Variants in EIF2AK2 observed in about 807,000 individuals in gnomAD.
The protein encoded by EIF2AK2 is eukaryotic translation initiation factor 2 alpha kinase 2, also known as interferon-induced, double-stranded RNA-activated protein kinase.
A neutral mutation model predicts 70.5 loss-of-function variants in EIF2AK2; 40 were observed. The observed-to-expected ratio is 0.57, with a 90% CI of 0.44 to 0.74. The LOEUF is 0.74. Ranked by LOEUF, EIF2AK2 falls within the 30% of genes least tolerant of loss-of-function variation. The probability of loss-of-function intolerance (pLI) is 0.00; values close to 1 mark genes in which losing one functional copy is unlikely to be tolerated. For missense variants in EIF2AK2, 555 were observed against 644.3 expected (o/e 0.86, Z 1.50); for synonymous variants, 198 against 220.9 (o/e 0.90, Z 0.92).
At chr2:37,150,683 A>G (rs1388788973) in intron 1 of EIF2AK2, among the ~76,000 whole-genome samples, 1 of 152,226 alleles carries the variant, frequency 6.6e-6, no homozygotes, top group East Asian at 1.9e-4. Context: ...GAAATAATCT[A>G]CATATCTAAG....
chr2:37,114,754 A>G lies in EIF2AK2; in HGVS notation c.1354T>C (p.Leu452=). The change falls in exon 14 of 17, where the codon TTG becomes CTG. Residue 452 remains leucine, a synonymous_variant. Coordinates refer to ENST00000233057, the MANE Select transcript of EIF2AK2 (RefSeq NM_001135651.3). ...DGKRTRSKGT[L]RYMSPEQISS... ...ACCTGTTCTGGGCTCATGTATCGCA[A>G]AGTTCCCTTACTCCTTGTTCGCTTT... is the stretch of plus-strand genomic sequence containing the variant. 6.3e-7 allele frequency: 1 copy of G among 1,596,336 alleles called. No individual in the cohort carries two copies. Among genetic ancestry groups the G allele is most frequent in the South Asian group, 1.1e-5 (1 of 87,340 alleles).
In EIF2AK2 at chr2:37,102,022, T is replaced by A. The variant is rs367721038; in HGVS notation, c.*5251A>T. 3 of 152,344 alleles carry A rather than the reference T, an allele frequency of 2.0e-5. No individual in the cohort carries two copies. The highest frequency in any genetic ancestry group is 1.9e-4 in the East Asian group (1 of 5,190). The allele number at this position is 152,344 out of a possible 1,614,324, so 9.4% of individuals were successfully genotyped here. On this transcript the variant is annotated 3_prime_UTR_variant, in exon 17 of 17. Coordinates refer to ENST00000233057, the MANE Select transcript of EIF2AK2 (RefSeq NM_001135651.3). ...TGGAAGACCAAGGCAGGAGAATCTC[T>A]CAAGGCCAGGAGTTTGAGACCAGCC...
At chr2:37,135,058 A>G (rs910912285) in intron 10 of EIF2AK2, among the ~76,000 whole-genome samples, 61 of 152,368 alleles carry the variant, frequency 4.0e-4, no homozygotes, top group African/African-American at 1.3e-3. Flanking sequence ...CTGAAGCATT[A>G]TAAGAGTCCA....
chr2:37,124,322 C>T (rs192011365), intron 11 of EIF2AK2, among the ~76,000 whole-genome samples: 10 of 151,144 alleles, frequency 6.6e-5, no homozygotes, highest in East Asian at 3.9e-4. Flanking sequence ...AGTGCAATGG[C>T]GCGATCTTGG....
chr2:37,129,066 G>A (rs1373430714), intron 10 of EIF2AK2, among the ~76,000 whole-genome samples: 4 of 151,364 alleles, frequency 2.6e-5, no homozygotes, highest in Non-Finnish European at 5.9e-5. Context: ...CCAGATATTC[G>A]GAAAAAATTA....
chr2:37,135,072 C>G (rs1675080179), intron 10 of EIF2AK2, among the ~76,000 whole-genome samples: 1 of 152,166 alleles, frequency 6.6e-6, no homozygotes, highest in African/African-American at 2.4e-5. Context: ...GAGTCCAAGA[C>G]AAACTAGACT....
chr2:37,122,909 T>C (rs1312234463), intron 11 of EIF2AK2, among the ~76,000 whole-genome samples: 1 of 152,200 alleles, frequency 6.6e-6, no homozygotes, highest in South Asian at 2.1e-4. Context: ...GGCTCAGGCC[T>C]GTAATCCCAG....
chr2:37,131,059 C>CA (rs1448422843), intron 10 of EIF2AK2, among the ~76,000 whole-genome samples: 1 of 152,194 alleles, frequency 6.6e-6, no homozygotes, highest in Non-Finnish European at 1.5e-5. Flanking sequence ...TTTCTTTCCT[C>CA]AAATTAGTGG....
In EIF2AK2 at chr2:37,147,705, TC is replaced by T; in HGVS notation, c.101del (p.Gly34AspfsTer13). The T allele has an allele frequency of 2.5e-6, 4 of 1,612,066 alleles. No homozygotes were observed. Among genetic ancestry groups the T allele is most frequent in the Non-Finnish European group, 3.4e-6 (4 of 1,178,604 alleles). ...VLKYQELPNSGPPHDRRFTFQ... is the reference protein window; with the variant it reads ...VLKYQELPNSXPPHDRRFTFQ... ...CAACCTACCTCCTATCATGTGGAGG[TC>T]CTGAATTAGGCAGTTCTTGATATTT... On this transcript the variant is annotated frameshift_variant, in exon 3 of 17. Coordinates refer to ENST00000233057, the MANE Select transcript of EIF2AK2 (RefSeq NM_001135651.3). LOFTEE classifies it high-confidence loss of function.
chr2:37,122,481 G>C (rs779718482), intron 12 of EIF2AK2, 25 bp downstream of exon 12: 42 of 1,610,488 alleles, frequency 2.6e-5, no homozygotes, highest in Non-Finnish European at 3.1e-5. Flanking sequence ...TCCTATTATG[G>C]CTATGAGAAT....
intron 1 of EIF2AK2, chr2:37,149,418 T>G (rs1442551546): frequency 6.3e-6 from 3 of 479,682 alleles, no homozygotes; most frequent in Non-Finnish European, 1.1e-5. Context: ...AGCACCTCAA[T>G]GTGCACGAAT....
intron 10 of EIF2AK2, among the ~76,000 whole-genome samples, chr2:37,128,297 CT>C (rs1040055727): frequency 1.3e-5 from 2 of 152,142 alleles, no homozygotes; most frequent in African/African-American, 2.4e-5. Context: ...GCAGAGTAGA[CT>C]TTTTTTCAAG....
intron 4 of EIF2AK2, among the ~76,000 whole-genome samples, chr2:37,144,964 G>A (rs941543803): frequency 1.1e-4 from 16 of 151,532 alleles, no homozygotes; most frequent in African/African-American, 3.4e-4. Context: ...ATGGCTCCTC[G>A]ACATCCCAGG....
rs138670198 is a variant in EIF2AK2, at chr2:37,111,383, T to C, written c.1378-2088A>G. On this transcript the variant is annotated intron_variant, in intron 14 of 16. Transcript: ENST00000233057. ...GGCTACACTAATAACAAATTAGAGA[T>C]ATGGAATTTCTTTTCTTTTTTTTTT... Among the ~76,000 whole-genome samples, 164 of 151,576 alleles carry C rather than the reference T, an allele frequency of 1.1e-3. 1 individual carries two copies. Among genetic ancestry groups the C allele is most frequent in the African/African-American group, 3.9e-3 (160 of 41,384 alleles).
intron 15 of EIF2AK2, among the ~76,000 whole-genome samples, chr2:37,107,912 G>A (rs555847815): frequency 2.3e-4 from 35 of 152,030 alleles, no homozygotes; most frequent in African/African-American, 2.2e-4. Flanking sequence ...CTGGGAGGCC[G>A]AGGCGGGTGG....
chr2:37,141,460 G>C, intron 5 of EIF2AK2, 93 bp downstream of exon 5: 1 of 1,462,674 alleles, frequency 6.8e-7, no homozygotes, highest in South Asian at 1.3e-5. Flanking sequence ...ATGCTTAAAA[G>C]GACACATATT....
At position 37,141,673 on chromosome 2, in the gene EIF2AK2, G is replaced by A. The variant is rs779450110; in HGVS notation, c.269C>T (p.Thr90Met). Residue 90 changes from threonine to methionine, a missense_variant, in exon 5 of 17, where the codon ACG becomes ATG. Around this residue, in one of 3 missense-constraint regions of EIF2AK2, gnomAD observed 208 missense variants for 191.8 expected, o/e 1.08. Coordinates refer to ENST00000233057, the MANE Select transcript of EIF2AK2 (RefSeq NM_001135651.3). ...CATGGATAATCCTTCTGAAGAATTCGTTGTTGTCAATAATAAAGGACTAAC... is the reference window on the plus strand; with the variant it reads ...CATGGATAATCCTTCTGAAGAATTCATTGTTGTCAATAATAAAGGACTAAC... ...KAVSPLLLTT[T>M]NSSEGLSMGN... 2.5e-5 allele frequency: 41 copies of A among 1,612,930 alleles called. No individual in the cohort carries two copies. The highest frequency in any genetic ancestry group is 2.6e-5 in the Non-Finnish European group (31 of 1,179,684).
chr2:37,126,217 G>A, intron 11 of EIF2AK2, 72 bp downstream of exon 11: 2 of 1,468,604 alleles, frequency 1.4e-6, no homozygotes, highest in Non-Finnish European at 1.8e-6. Context: ...AAAGAAGAGA[G>A]AAGCATAAAA....
At chr2:37,136,275 A>G (rs1675123979) in intron 9 of EIF2AK2, among the ~76,000 whole-genome samples, 1 of 152,210 alleles carries the variant, frequency 6.6e-6, no homozygotes, top group South Asian at 2.1e-4. Flanking sequence ...GTTCAAAGTG[A>G]AGCAATCTTC....
Sources: gnomAD v4.1 joint callset for allele counts (sites outside exome capture counted in the v4.1 genomes callset) on GRCh38, gnomAD v4.1.1 for gene constraint, gnomAD v4.1.1 regional missense constraint, MANE v1.5 for transcripts, NCBI Gene and HGNC (gene_info 2026-07-23, HGNC 2026-07-21) for gene names.